Variants in MYOF observed in about 807,000 individuals in gnomAD.
MYOF encodes the protein fer-1-like 3, myoferlin.
A neutral mutation model predicts 284.2 loss-of-function variants in MYOF; 244 were observed. The observed-to-expected ratio is 0.86, with a 90% CI of 0.77 to 0.95. The LOEUF (loss-of-function observed/expected upper bound fraction) is 0.95, where lower values mean the gene tolerates loss of function less well. Among genes scored for constraint, MYOF ranks in the 40% least tolerant of loss-of-function variants. The probability of loss-of-function intolerance (pLI) is 0.00; values close to 1 mark genes in which losing one functional copy is unlikely to be tolerated. For synonymous variants in MYOF, 904 were observed against 919.7 expected, an observed-to-expected ratio of 0.98 and a Z score of 0.31; for missense variants, 2,496 against 2,560.6, an observed-to-expected ratio of 0.97 and a Z score of 0.54.
chr10:93,435,582 T>A (rs780095602), intron 3 of MYOF, among the ~76,000 whole-genome samples: 1 of 152,224 alleles, frequency 6.6e-6, no homozygotes, highest in East Asian at 1.9e-4. Context: ...ATTTCTCAAA[T>A]GCTTTCCAGC....
At chr10:93,457,214 G>T (rs74150243) in intron 1 of MYOF, among the ~76,000 whole-genome samples, 2,090 of 152,286 alleles carry the variant, frequency 0.014, 46 homozygotes, top group African/African-American at 0.048. Flanking sequence ...TGCATCTCTG[G>T]CTTGCTGCAG....
chr10:93,456,855 A>G, intron 2 of MYOF, 27 bp downstream of exon 2: 1 of 1,546,666 alleles, frequency 6.5e-7, no homozygotes, highest in Non-Finnish European at 8.9e-7. Flanking sequence ...ATCTATTAAA[A>G]CAAAGTTGAA....
At chr10:93,332,662 G>A (rs111881026) in intron 43 of MYOF, among the ~76,000 whole-genome samples, 40 of 151,854 alleles carry the variant, frequency 2.6e-4, no homozygotes, top group African/African-American at 8.9e-4. Flanking sequence ...TGGCTAACAC[G>A]GTGAAACCCC....
intron 5 of MYOF, among the ~76,000 whole-genome samples, chr10:93,423,474 T>C (rs912613570): frequency 7.7e-6 from 1 of 129,550 alleles, no homozygotes; most frequent in Non-Finnish European, 1.5e-5. Context: ...TGCAATAAGC[T>C]GAGACTGCAC....
chr10:93,468,948 C>G (rs1422692476), intron 1 of MYOF, among the ~76,000 whole-genome samples: 3 of 152,170 alleles, frequency 2.0e-5, no homozygotes, highest in Non-Finnish European at 2.9e-5. Context: ...AGCAAAGGAC[C>G]AAGCATCCCA....
At chr10:93,459,632 A>G (rs1455653318) in intron 1 of MYOF, among the ~76,000 whole-genome samples, 2 of 152,332 alleles carry the variant, frequency 1.3e-5, no homozygotes, top group African/African-American at 4.8e-5. Context: ...ATGCTGGATA[A>G]TGAAGATTCG....
chr10:93,354,479 G>T (rs1480974126), intron 31 of MYOF, among the ~76,000 whole-genome samples: 1 of 152,106 alleles, frequency 6.6e-6, no homozygotes, highest in East Asian at 1.9e-4. Flanking sequence ...TGAATTTAGG[G>T]TACTGCTTAT....
intron 29 of MYOF, among the ~76,000 whole-genome samples, chr10:93,358,367 C>T (rs11187396): frequency 0.26 from 39,523 of 152,098 alleles, 6,723 homozygotes; most frequent in East Asian, 0.88. Context: ...TAAATTAGTT[C>T]CACCATTGTG....
In MYOF at chr10:93,389,145, C is replaced by T. The variant is rs1846549593; in HGVS notation, c.1466G>A (p.Gly489Glu). The T allele has an allele frequency of 1.9e-6, 3 of 1,613,354 alleles. No individual in the cohort carries two copies. In the Admixed American group the frequency reaches 5.0e-5, roughly 27 times the overall value. ...TGAASYTVNT[G>E]ETEVGFVPTF... is the part of the protein sequence containing the mutation. Reference sequence around the variant, plus strand: ...TGGAACAAAGCCTACCTCTGTTTCTCCTGTGTTTACTGAGAGAGAAACATC... The same window carrying T: ...TGGAACAAAGCCTACCTCTGTTTCTTCTGTGTTTACTGAGAGAGAAACATC... The change falls in exon 18 of 54, where the codon GGA becomes GAA. Residue 489 changes from glycine to glutamate, a missense_variant. Gly to Glu is a moderately conservative substitution (Grantham distance 98). Around this residue, in one of 3 missense-constraint regions of MYOF, gnomAD observed 2,436 missense variants for 2,480.7 expected, o/e 0.98. Coordinates refer to ENST00000359263, the MANE Select transcript of MYOF (RefSeq NM_013451.4).
chr10:93,399,659 G>C (rs977118326), intron 12 of MYOF, among the ~76,000 whole-genome samples, 164 bp from the exon 13 acceptor site: 2 of 152,210 alleles, frequency 1.3e-5, no homozygotes, highest in Admixed American at 1.3e-4. Context: ...GGATCATGAG[G>C]TCAGAAGAGC....
At chr10:93,442,583 C>T (rs113235848) in intron 3 of MYOF, among the ~76,000 whole-genome samples, 11 of 152,280 alleles carry the variant, frequency 7.2e-5, no homozygotes, top group Admixed American at 2.0e-4. Flanking sequence ...TACGGCAAAA[C>T]AGATGCCTTG....
chr10:93,341,968 C>T lies in MYOF; in HGVS notation c.4327-1804G>A, dbSNP rs796856688. 5 of 1,289,786 alleles carry T rather than the reference C, an allele frequency of 3.9e-6. No individual in the cohort carries two copies. The African/African-American group carries it at 7.6e-5, about 20-fold the overall frequency. The allele number at this position is 1,289,786 out of a possible 1,614,324, so 79.9% of individuals were successfully genotyped here. A position where few individuals can be genotyped will look rare whatever the true frequency, so the allele number is the denominator to read the frequency against. ...GAGTGCTGTTGACATACTGCTTAAGCACTGGAATTGGAAGGTAATTGTTGA... is the reference window on the plus strand; with the variant it reads ...GAGTGCTGTTGACATACTGCTTAAGTACTGGAATTGGAAGGTAATTGTTGA... On this transcript the variant is annotated intron_variant, in intron 38 of 53. Transcript: ENST00000359263.
At chr10:93,357,809 T>C (rs1294985375) in intron 29 of MYOF, among the ~76,000 whole-genome samples, 3 of 152,230 alleles carry the variant, frequency 2.0e-5, no homozygotes, top group Non-Finnish European at 4.4e-5. Context: ...AAATACTCGT[T>C]AGAACTGGAC....
At chr10:93,429,445 C>T (rs12263402) in intron 4 of MYOF, among the ~76,000 whole-genome samples, 27,182 of 152,152 alleles carry the variant, frequency 0.18, 2,824 homozygotes, top group Middle Eastern at 0.27. Context: ...AACAGTTCTG[C>T]CATTCTAGGG....
chr10:93,314,955 T>G (rs369433227), intron 50 of MYOF, among the ~76,000 whole-genome samples: 1 of 152,000 alleles, frequency 6.6e-6, no homozygotes. Context: ...GAGGCTGAGG[T>G]TGGGAGGATC....
At chr10:93,316,603 C>A (rs1201281298) in intron 50 of MYOF, 111 bp downstream of exon 50, 3 of 961,580 alleles carry the variant, frequency 3.1e-6, no homozygotes, top group Non-Finnish European at 4.9e-6. Context: ...CCCACCAGGC[C>A]CCCATTACCA....
chr10:93,362,864 T>C (rs1475316914), intron 27 of MYOF, among the ~76,000 whole-genome samples: 1 of 152,174 alleles, frequency 6.6e-6, no homozygotes, highest in African/African-American at 2.4e-5. Flanking sequence ...TTATAAAACC[T>C]TTTTGAAGGT....
intron 19 of MYOF, among the ~76,000 whole-genome samples, chr10:93,385,628 A>G (rs1231589368): frequency 6.6e-6 from 1 of 152,200 alleles, no homozygotes; most frequent in East Asian, 1.9e-4. Context: ...CTATGTCTTC[A>G]GAATCCTCAT....
At chr10:93,407,352 T>C (rs1374513764) in intron 7 of MYOF, among the ~76,000 whole-genome samples, 2 of 130,994 alleles carry the variant, frequency 1.5e-5, no homozygotes, top group African/African-American at 5.9e-5. Flanking sequence ...TGCCTTAGCC[T>C]GGGAGGTGGA....
Sources: allele counts gnomAD v4.1 joint callset (sites outside exome capture counted in the v4.1 genomes callset), GRCh38; gene constraint gnomAD v4.1.1; regional missense constraint gnomAD v4.1.1; transcripts MANE v1.5; gene names NCBI Gene and HGNC (gene_info 2026-07-23, HGNC 2026-07-21).